The following TMTC3 variants were observed in gnomAD, a reference collection of about 807,000 sequenced individuals.
TMTC3 encodes protein O-mannosyl-transferase TMTC3.
A neutral mutation model predicts 92.2 loss-of-function variants in TMTC3; 52 were observed. That is an observed-to-expected ratio of 0.56 (90% CI 0.45 to 0.71). The LOEUF (loss-of-function observed/expected upper bound fraction) is 0.71, where lower values mean the gene tolerates loss of function less well. Ranked by LOEUF, TMTC3 falls within the 30% of genes least tolerant of loss-of-function variation. The pLI, the probability that TMTC3 is intolerant of heterozygous loss-of-function variation, is 0.00. For synonymous variants in TMTC3, 339 were observed against 363.3 expected (o/e 0.93, Z 0.76); for missense variants, 896 against 1,057.1 (o/e 0.85, Z 2.11).
At chr12:88,184,360 C>T (rs2041352657) in intron 10 of TMTC3, among the ~76,000 whole-genome samples, 1 of 152,158 alleles carries the variant, frequency 6.6e-6, no homozygotes. Flanking sequence ...TAGATAAATT[C>T]CTTTACATTC....
chr12:88,189,283 A>C (rs1251717934), intron 11 of TMTC3, among the ~76,000 whole-genome samples: 1 of 151,964 alleles, frequency 6.6e-6, no homozygotes, highest in East Asian at 1.9e-4. Flanking sequence ...TAGTAGAGAC[A>C]GGGTTTCACC....
chr12:88,172,821 T>C, intron 8 of TMTC3, 76 bp downstream of exon 8: 1 of 1,523,888 alleles, frequency 6.6e-7, no homozygotes, highest in Non-Finnish European at 8.8e-7. Flanking sequence ...AAATATTTAG[T>C]TCAGTTTTCT....
intron 2 of TMTC3, among the ~76,000 whole-genome samples, chr12:88,148,919 T>C (rs2040908640): frequency 6.6e-6 from 1 of 152,084 alleles, no homozygotes; most frequent in South Asian, 2.1e-4. Context: ...ACCAAATGTA[T>C]AGGGAGAGCA....
intron 6 of TMTC3, among the ~76,000 whole-genome samples, chr12:88,164,572 A>G (rs964946021): frequency 6.6e-6 from 1 of 152,226 alleles, no homozygotes; most frequent in Non-Finnish European, 1.5e-5. Flanking sequence ...CAGAAGATAT[A>G]GTGAATTTTA....
chr12:88,195,170 G>A lies in TMTC3; in HGVS notation c.2266G>A (p.Ala756Thr). Residue 756 changes from alanine to threonine, a missense_variant, in exon 14 of 14, where the codon GCA (alanine) becomes ACA (threonine). Transcript: ENST00000266712. Reference protein sequence around the residue: ...LMNQKKDILGAKKCFERILEM... With the variant: ...LMNQKKDILGTKKCFERILEM... ...GAATCAAAAGAAAGATATACTAGGA[G>A]CAAAAAAATGTTTTGAAAGGATTTT... 1 of 1,613,738 alleles carries A rather than the reference G, an allele frequency of 6.2e-7. No individual in the cohort carries two copies. Among genetic ancestry groups the A allele is most frequent in the Non-Finnish European group, 8.5e-7 (1 of 1,179,890 alleles).
rs1190064086 is a variant in TMTC3, at chr12:88,160,819, G to C, written c.765G>C (p.Gln255His). 1 of 1,610,916 alleles carries C rather than the reference G, an allele frequency of 6.2e-7. No individual in the cohort carries two copies. Among genetic ancestry groups the C allele is most frequent in the Non-Finnish European group, 8.5e-7 (1 of 1,178,720 alleles). ...STLLLVVIRV[Q>H]VIQSQLPVFT... ...TATTACTTGTTGTGATTAGAGTCCA[G>C]GTTATTCAATCCCAACTTCCAGTAT... Residue 255 changes from glutamine to histidine, a missense_variant, in exon 6 of 14, where the codon CAG (glutamine) becomes CAC (histidine). By Grantham distance (24) the Gln-to-His change is conservative. Coordinates refer to ENST00000266712, the MANE Select transcript of TMTC3 (RefSeq NM_181783.4).
intron 7 of TMTC3, among the ~76,000 whole-genome samples, chr12:88,168,830 T>C (rs540493102): frequency 1.3e-4 from 20 of 152,288 alleles, no homozygotes; most frequent in African/African-American, 4.6e-4. Flanking sequence ...CAAGAGCATG[T>C]TTAAATATAG....
chr12:88,187,525 T>C (rs1478782193), intron 10 of TMTC3, among the ~76,000 whole-genome samples: 1 of 152,188 alleles, frequency 6.6e-6, no homozygotes, highest in African/African-American at 2.4e-5. Flanking sequence ...ACGTTTTTTT[T>C]GCTTGACCCC....
At chr12:88,166,179 A>G (rs1341804993) in intron 6 of TMTC3, 151 bp from the exon 7 acceptor site, 9 of 732,808 alleles carry the variant, frequency 1.2e-5, no homozygotes, top group Non-Finnish European at 1.9e-5. Flanking sequence ...TTTGAACTCT[A>G]GCAAGAGTCT....
chr12:88,184,635 A>G (rs2041355617), intron 10 of TMTC3, among the ~76,000 whole-genome samples: 2 of 152,258 alleles, frequency 1.3e-5, no homozygotes, highest in Non-Finnish European at 2.9e-5. Context: ...TTGGGCACGT[A>G]TTTGAGAATT....
chr12:88,176,097 A>C (rs1385856959), intron 9 of TMTC3, 111 bp from the exon 10 acceptor site: 2 of 719,936 alleles, frequency 2.8e-6, no homozygotes, highest in Non-Finnish European at 4.4e-6. Flanking sequence ...TCATCCCCAG[A>C]GACATTTCCA....
At position 88,190,548 on chromosome 12, in the gene TMTC3, A is replaced by G. The variant is rs1315588128; in HGVS notation, c.1632A>G (p.Arg544=). Residue 544 remains arginine, a synonymous_variant, in exon 12 of 14, where the codon CGA becomes CGG. Transcript: ENST00000266712. Reference sequence around the variant, plus strand: ...ACCTGATCCGAGCAAATGAGTCCCGACTGGAAGAAGCAGATCAGCTGTACC... The same window carrying G: ...ACCTGATCCGAGCAAATGAGTCCCGGCTGGAAGAAGCAGATCAGCTGTACC... ...LANLIRANES[R]LEEADQLYRQ... is the part of the protein sequence containing the mutation. 1 of 1,613,994 alleles carries G rather than the reference A, an allele frequency of 6.2e-7. No individual in the cohort carries two copies. The highest frequency in any genetic ancestry group is 1.7e-5 in the Admixed American group (1 of 60,020).
intron 13 of TMTC3, among the ~76,000 whole-genome samples, chr12:88,194,124 A>G (rs990200058): frequency 7.9e-5 from 12 of 152,172 alleles, no homozygotes; most frequent in African/African-American, 2.9e-4. Flanking sequence ...CGGGAAGCCA[A>G]GGTGGGAGGA....
chr12:88,172,295 AAC>A (rs1160266310), intron 7 of TMTC3, among the ~76,000 whole-genome samples: 1 of 152,006 alleles, frequency 6.6e-6, no homozygotes, highest in Non-Finnish European at 1.5e-5. Flanking sequence ...ATCACTCCCA[AAC>A]ACACCTAGAA....
intron 4 of TMTC3, among the ~76,000 whole-genome samples, chr12:88,158,363 T>G (rs2041034616): frequency 6.6e-6 from 1 of 152,162 alleles, no homozygotes; most frequent in Non-Finnish European, 1.5e-5. Flanking sequence ...CAACATTAGG[T>G]CCAGCCTGTT....
chr12:88,155,464 G>A (rs1423144699), intron 4 of TMTC3, among the ~76,000 whole-genome samples: 1 of 152,114 alleles, frequency 6.6e-6, no homozygotes, highest in Admixed American at 6.5e-5. Flanking sequence ...ATTATAATCA[G>A]GCTCTCAATT....
In TMTC3 at chr12:88,172,568, A is replaced by G. The variant is rs552825830; in HGVS notation, c.1051-29A>G. 19 of 1,235,590 alleles carry G rather than the reference A, an allele frequency of 1.5e-5. No individual in the cohort carries two copies. In the South Asian group the frequency reaches 5.1e-4, roughly 33 times the overall value. The allele number at this position is 1,235,590 out of a possible 1,614,324, so 76.5% of individuals were successfully genotyped here. ...ATAAATTATTTTAAATTTATTATAAATTATTAAATCTTCTTTTTTTTTTTG... is the reference window on the plus strand; with the variant it reads ...ATAAATTATTTTAAATTTATTATAAGTTATTAAATCTTCTTTTTTTTTTTG... On this transcript the variant is annotated intron_variant, in intron 7 of 13. Transcript: ENST00000266712.
At chr12:88,145,576 C>T (rs1266846379) in intron 1 of TMTC3, among the ~76,000 whole-genome samples, 4 of 152,044 alleles carry the variant, frequency 2.6e-5, no homozygotes, top group African/African-American at 7.2e-5. Flanking sequence ...GTAGTCTCTT[C>T]CTTTCTCTAA....
chr12:88,166,623 A>G (rs753062901), intron 7 of TMTC3, 41 bp downstream of exon 7: 4 of 1,565,466 alleles, frequency 2.6e-6, no homozygotes, highest in Non-Finnish European at 1.7e-6. Flanking sequence ...GTTAACATTC[A>G]GTTGAATAAG....
Sources: allele counts gnomAD v4.1 joint callset (sites outside exome capture counted in the v4.1 genomes callset), GRCh38; gene constraint gnomAD v4.1.1; transcripts MANE v1.5; gene names NCBI Gene and HGNC (gene_info 2026-07-23, HGNC 2026-07-21).